Variants in NARF observed in about 807,000 individuals in gnomAD.
NARF encodes nuclear prelamin A recognition factor, also known as iron-only hydrogenase-like protein 2.
In NARF, 41 loss-of-function variants were observed where a neutral mutation model predicts 48.0. The observed-to-expected ratio is 0.85, with a 90% CI of 0.66 to 1.11. The LOEUF is 1.11. Ranked by LOEUF, NARF falls within the 50% of genes least tolerant of loss-of-function variation. The pLI is 0.00. For synonymous variants in NARF, 215 were observed against 225.5 expected, an observed-to-expected ratio of 0.95 and a Z score of 0.42; for missense variants, 613 against 590.2, an observed-to-expected ratio of 1.04 and a Z score of -0.40.
intron 5 of NARF, chr17:82,477,103 G>A (rs1181540744): frequency 6.6e-6 from 1 of 152,172 alleles, no homozygotes; most frequent in Non-Finnish European, 1.5e-5. Flanking sequence ...TGGCTCACGA[G>A]AGCTTCAACC....
At chr17:82,459,296 C>A in intron 1 of NARF, 1 of 545,980 alleles carries the variant, frequency 1.8e-6, no homozygotes, top group Non-Finnish European at 2.3e-6. Flanking sequence ...AACCGCGCAG[C>A]GCACGCAGGG....
rs1242871706 is a variant in NARF, at chr17:82,488,030, G to T, written c.1244G>T (p.Ser415Ile). The change falls in exon 11 of 11, where the codon AGT becomes ATT. Residue 415 changes from serine to isoleucine, a missense_variant. By Grantham distance (142) the Ser-to-Ile change is moderately radical. Transcript: ENST00000309794. ...ADIPVRRPES[S>I]AHVQELYQEW... Reference sequence around the variant, plus strand: ...ATCCCTGTGCGGCGTCCGGAGTCCAGTGCACACGTGCAGGAGCTGTACCAG... The same window carrying T: ...ATCCCTGTGCGGCGTCCGGAGTCCATTGCACACGTGCAGGAGCTGTACCAG... The T allele has an allele frequency of 6.2e-7, 1 of 1,614,202 alleles. No homozygotes were observed. Among genetic ancestry groups the T allele is most frequent in the Non-Finnish European group, 8.5e-7 (1 of 1,180,042 alleles).
At chr17:82,478,948 G>A in intron 6 of NARF, 30 bp downstream of exon 6, 1 of 1,597,766 alleles carries the variant, frequency 6.3e-7, no homozygotes, top group Non-Finnish European at 8.6e-7. Context: ...GGGCAGGAAG[G>A]GCAGGTGAGG....
intron 5 of NARF, chr17:82,477,050 G>A (rs1184399127): frequency 6.6e-6 from 1 of 151,996 alleles, no homozygotes; most frequent in Non-Finnish European, 1.5e-5. Flanking sequence ...TTTTAAGCAG[G>A]ATCTTACTTT....
Position 82,460,151 on chromosome 17 carries a change from G to A in NARF, c.108+79G>A, listed in dbSNP as rs145546800. 543 of 1,223,234 alleles carry A rather than the reference G, an allele frequency of 4.4e-4. 2 individuals carry two copies. Among genetic ancestry groups the A allele is most frequent in the African/African-American group, 3.9e-3 (256 of 65,748 alleles). The allele number at this position is 1,223,234 out of a possible 1,614,324, so 75.8% of individuals were successfully genotyped here. A position where few individuals can be genotyped will look rare whatever the true frequency, so the allele number is the denominator to read the frequency against. Reference sequence around the variant, plus strand: ...TTTCTCTTTGGGGGCTCACAGCACCGTGCACATCACTGCTTTAAAGAAGAC... The same window carrying A: ...TTTCTCTTTGGGGGCTCACAGCACCATGCACATCACTGCTTTAAAGAAGAC... On this transcript the variant is annotated intron_variant, in intron 2 of 10. Transcript: ENST00000309794.
chr17:82,485,872 C>G (rs1397558794), intron 10 of NARF, among the ~76,000 whole-genome samples: 1 of 152,210 alleles, frequency 6.6e-6, no homozygotes, highest in African/African-American at 2.4e-5. Context: ...TGTGGGCATT[C>G]TCTTGGGGAC....
intron 5 of NARF, among the ~76,000 whole-genome samples, chr17:82,476,078 G>A (rs376061153): frequency 2.0e-5 from 3 of 151,886 alleles, no homozygotes; most frequent in South Asian, 4.2e-4. Flanking sequence ...TGTGATCTTG[G>A]CCCACTGCAA....
At chr17:82,472,798 C>T (rs2043743645) in intron 5 of NARF, 100 bp downstream of exon 5, 1 of 1,412,700 alleles carries the variant, frequency 7.1e-7, no homozygotes, top group African/African-American at 1.5e-5. Context: ...CAGACCCATC[C>T]CACCCAGCCT....
chr17:82,486,537 C>T (rs1330930684), intron 10 of NARF, among the ~76,000 whole-genome samples: 1 of 152,144 alleles, frequency 6.6e-6, no homozygotes, highest in Non-Finnish European at 1.5e-5. Context: ...CCAGCACTGA[C>T]AAGAGGAGGG....
chr17:82,472,712 C>T lies in NARF; in HGVS notation c.520+14C>T, dbSNP rs2043741018. 2.5e-6 allele frequency: 4 copies of T among 1,605,634 alleles called. No individual in the cohort carries two copies. The highest frequency in any genetic ancestry group is 3.4e-6 in the Non-Finnish European group (4 of 1,177,232). On this transcript the variant is annotated intron_variant, in intron 5 of 10. Transcript: ENST00000309794. ...CTGCCTGTCCTGGTGAGCCCCTGGACCCCCGCTCTGTTGGCCTGAGGTGCC... is the reference window on the plus strand; with the variant it reads ...CTGCCTGTCCTGGTGAGCCCCTGGATCCCCGCTCTGTTGGCCTGAGGTGCC...
chr17:82,470,824 C>T (rs563468835), intron 4 of NARF, among the ~76,000 whole-genome samples: 2 of 152,004 alleles, frequency 1.3e-5, no homozygotes, highest in Admixed American at 6.6e-5. Flanking sequence ...TGCATTTTCT[C>T]TCAGCTTTGT....
chr17:82,475,051 A>G (rs2143899270), intron 5 of NARF, among the ~76,000 whole-genome samples: 2 of 152,262 alleles, frequency 1.3e-5, no homozygotes, highest in South Asian at 4.1e-4. Context: ...GATAATTTCC[A>G]CACCTGATGG....
chr17:82,485,488 A>G lies in NARF; in HGVS notation c.972-9A>G. 1 of 1,613,688 alleles carries G rather than the reference A, an allele frequency of 6.2e-7. No homozygotes were observed. Among genetic ancestry groups the G allele is most frequent in the Non-Finnish European group, 8.5e-7 (1 of 1,179,736 alleles). On this transcript the variant is annotated splice_polypyrimidine_tract_variant and intron_variant, in intron 9 of 10. Coordinates refer to ENST00000309794, the MANE Select transcript of NARF (RefSeq NM_012336.4). Reference sequence around the variant, plus strand: ...TGATGGATCAAAATTCTCTGTGTTCATTTTGTAGAAACAAAGACTTCCAAG... The same window carrying G: ...TGATGGATCAAAATTCTCTGTGTTCGTTTTGTAGAAACAAAGACTTCCAAG...
chr17:82,468,548 C>T, intron 3 of NARF: 1 of 516,470 alleles, frequency 1.9e-6, no homozygotes, highest in Non-Finnish European at 3.4e-6. Flanking sequence ...TTTTTAAATC[C>T]TGACTTTTAA....
intron 1 of NARF, chr17:82,459,109 C>T (rs550270385): frequency 8.4e-7 from 1 of 1,183,470 alleles, no homozygotes; most frequent in Admixed American, 4.5e-5. Context: ...TCTCGTGCCG[C>T]GCACCACAGT....
rs943900974 is a variant in NARF at position 82,489,653 on chromosome 17, A to C, written c.*1496A>C. ...ACTCGCCATGAAGCCCTCTGTGCTC[A>C]GGGTGATGGAGCCCCCTCCATTCTG... On this transcript the variant is annotated 3_prime_UTR_variant, in exon 11 of 11. Coordinates refer to ENST00000309794, the MANE Select transcript of NARF (RefSeq NM_012336.4). The C allele has an allele frequency of 6.6e-6, 1 of 152,254 alleles. No individual in the cohort carries two copies. Among genetic ancestry groups the C allele is most frequent in the Non-Finnish European group, 1.5e-5 (1 of 68,098 alleles). 9.4% of individuals were successfully genotyped at this position (152,254 alleles called of 1,614,324 possible). A position where few individuals can be genotyped will look rare whatever the true frequency, so the allele number is the denominator to read the frequency against.
Position 82,468,808 on chromosome 17 carries a change from T to TC in NARF, c.299dup (p.Gln101SerfsTer9). 1.2e-6 allele frequency: 2 copies of TC among 1,614,116 alleles called. No homozygotes were observed. The highest frequency in any genetic ancestry group is 1.7e-6 in the Non-Finnish European group (2 of 1,179,948). Reference sequence around the variant, plus strand: ...ACAAAGTGCTGGTAGTGTCTGTGTGTCCTCAATCTTTGCCTTATTTTGCTG... The same window carrying TC: ...ACAAAGTGCTGGTAGTGTCTGTGTGTCCCTCAATCTTTGCCTTATTTTGCTG... On this transcript the variant is annotated frameshift_variant, in exon 4 of 11. Transcript: ENST00000309794. LOFTEE classifies it high-confidence loss of function.
intron 6 of NARF, 151 bp from the exon 7 acceptor site, chr17:82,480,931 A>AG: frequency 7.2e-6 from 1 of 139,422 alleles, no homozygotes; most frequent in Non-Finnish European, 1.1e-5. Context: ...ACTCCATTTC[A>AG]AAAAAAAAAA....
In NARF at chr17:82,484,847, CATG is replaced by C; in HGVS notation, c.872_874del (p.Asp291del). On this transcript the variant is annotated inframe_deletion, in exon 9 of 11. Transcript: ENST00000309794. ...CTTGAAGGAGGACAAAGTGACGCGT[CATG>C]ATGGAGCCAGCTCAGACGGGCACCT... is the stretch of plus-strand genomic sequence containing the variant. 1 of 1,610,026 alleles carries C rather than the reference CATG, an allele frequency of 6.2e-7. No homozygotes were observed. The highest frequency in any genetic ancestry group is 8.5e-7 in the Non-Finnish European group (1 of 1,178,046).
Sources: allele counts gnomAD v4.1 joint callset (sites outside exome capture counted in the v4.1 genomes callset), GRCh38; gene constraint gnomAD v4.1.1; transcripts MANE v1.5; gene names NCBI Gene and HGNC (gene_info 2026-07-23, HGNC 2026-07-21).